The following HEXIM1 variants were observed in gnomAD, a reference collection of about 807,000 sequenced individuals.
HEXIM1 encodes the protein protein HEXIM1.
A neutral mutation model predicts 30.3 loss-of-function variants in HEXIM1; 1 was observed. That is an observed-to-expected ratio of 0.03 (90% CI 0.01 to 0.16). The LOEUF is 0.16. HEXIM1 is among the 10% of genes least tolerant of loss of function. HEXIM1 has a pLI of 1.00. For missense variants in HEXIM1, 391 were observed against 476.4 expected (o/e 0.82, Z 1.67); for synonymous variants, 245 against 208.3 (o/e 1.18, Z -1.52).
Position 45,149,714 on chromosome 17 carries a change from A to G in HEXIM1, c.524A>G (p.Lys175Arg). The change falls in exon 1 of 1, where the codon AAG becomes AGG. Residue 175 changes from lysine to arginine, a missense_variant. Transcript: ENST00000332499. The surrounding 1 kb of genome is among the most constrained non-coding windows in gnomAD (Gnocchi z 5.3). ...KPYYKLTWEEKKKFDEKQSLR... is the reference protein window; with the variant it reads ...KPYYKLTWEERKKFDEKQSLR... ...TACTACAAGCTGACCTGGGAAGAGA[A>G]GAAAAAGTTCGACGAGAAACAGAGC... is the stretch of plus-strand genomic sequence containing the variant. 4 of 1,613,280 alleles carry G rather than the reference A, an allele frequency of 2.5e-6. No individual in the cohort carries two copies. The highest frequency in any genetic ancestry group is 3.4e-6 in the Non-Finnish European group (4 of 1,180,008).
rs8070447 is a variant in HEXIM1, at chr17:45,151,932, A to C, written c.*1662A>C. ...TAAAATGCACCTTGTATTGCATAAGAAGCATACACAAATCAATAAATCAAG... is the reference window on the plus strand; with the variant it reads ...TAAAATGCACCTTGTATTGCATAAGCAGCATACACAAATCAATAAATCAAG... On this transcript the variant is annotated 3_prime_UTR_variant, in exon 1 of 1. Coordinates refer to ENST00000332499, the MANE Select transcript of HEXIM1 (RefSeq NM_006460.3). The C allele has an allele frequency of 0.16, 26,756 of 167,058 alleles. 2,438 individuals are homozygous for C. Among genetic ancestry groups the C allele is most frequent in the East Asian group, 0.34 (1,774 of 5,182 alleles). The allele number at this position is 167,058 out of a possible 1,614,324, so 10.3% of individuals were successfully genotyped here. A position where few individuals can be genotyped will look rare whatever the true frequency, so the allele number is the denominator to read the frequency against.
rs2055526530 is a variant in HEXIM1, at chr17:45,149,124, A to G, written c.-67A>G. ...TTTTTTCTTTTTCTTTTTTTTAAGA[A>G]AAACCCATTTTTTTCCTTAAGGACT... is the stretch of plus-strand genomic sequence containing the variant. On this transcript the variant is annotated 5_prime_UTR_variant, in exon 1 of 1. Transcript: ENST00000332499. This position sits in a 1 kb window ranked among gnomAD's most constrained non-coding sequence, Gnocchi z 5.3. The G allele has an allele frequency of 6.8e-7, 1 of 1,465,162 alleles. No individual in the cohort carries two copies. Among genetic ancestry groups the G allele is most frequent in the African/African-American group, 1.4e-5 (1 of 69,796 alleles). The allele number at this position is 1,465,162 out of a possible 1,614,324, so 90.8% of individuals were successfully genotyped here.
At position 45,149,604 on chromosome 17, in the gene HEXIM1, AGAG is replaced by A; in HGVS notation, c.418_420del (p.Glu140del). The A allele has an allele frequency of 6.2e-7, 1 of 1,612,486 alleles. No homozygotes were observed. The highest frequency in any genetic ancestry group is 1.1e-5 in the South Asian group (1 of 91,032). Reference sequence around the variant, plus strand: ...TGGGGGCTCCTGCCGCAGGGGGCGAAGAGGAGTGGGGACAGCAGCAGAGACAGC... The same window carrying A: ...TGGGGGCTCCTGCCGCAGGGGGCGAAGAGTGGGGACAGCAGCAGAGACAGC... On this transcript the variant is annotated inframe_deletion, in exon 1 of 1. Coordinates refer to ENST00000332499, the MANE Select transcript of HEXIM1 (RefSeq NM_006460.3). The surrounding 1 kb of genome is among the most constrained non-coding windows in gnomAD (Gnocchi z 5.3).
chr17:45,149,965 G>A lies in HEXIM1; in HGVS notation c.775G>A (p.Gly259Ser). The stretch of plus-strand genomic sequence containing the variant: ...GGGCAGCGATGGGATGGGAGGGGAC[G>A]GCAGCGAGTTTCTGCAGCGGGACTT... ...DGGSDGMGGD[G>S]SEFLQRDFSE... Residue 259 changes from glycine (G) to serine (S), a missense_variant, in exon 1 of 1, where the codon GGC becomes AGC. This residue lies in a region of HEXIM1 where 20 missense variants were observed against 68.1 expected (regional missense o/e 0.29). Coordinates refer to ENST00000332499, the MANE Select transcript of HEXIM1 (RefSeq NM_006460.3). This position sits in a 1 kb window ranked among gnomAD's most constrained non-coding sequence, Gnocchi z 5.3. The A allele has an allele frequency of 1.2e-6, 2 of 1,614,044 alleles. No homozygotes were observed. The highest frequency in any genetic ancestry group is 1.7e-6 in the Non-Finnish European group (2 of 1,180,008).
rs2055530226 is a variant in HEXIM1 at position 45,149,560 on chromosome 17, G to A, written c.370G>A (p.Asp124Asn). Reference sequence around the variant, plus strand: ...CGAGCTGCTCGCCCAGCCTTGTCATGACTCCGAGGCCAGTAAGTTGGGGGC... The same window carrying A: ...CGAGCTGCTCGCCCAGCCTTGTCATAACTCCGAGGCCAGTAAGTTGGGGGC... ...EAELLAQPCHDSEASKLGAPA... is the reference protein window; with the variant it reads ...EAELLAQPCHNSEASKLGAPA... Residue 124 changes from aspartate (D) to asparagine (N), a missense_variant, in exon 1 of 1, where the codon GAC becomes AAC. Coordinates refer to ENST00000332499, the MANE Select transcript of HEXIM1 (RefSeq NM_006460.3). The surrounding 1 kb of genome is among the most constrained non-coding windows in gnomAD (Gnocchi z 5.3). The A allele has an allele frequency of 6.2e-7, 1 of 1,607,880 alleles. No individual in the cohort carries two copies. The highest frequency in any genetic ancestry group is 1.3e-5 in the African/African-American group (1 of 74,826).
Position 45,148,797 on chromosome 17 carries a change from C to T in HEXIM1, c.-394C>T. 1 of 402,446 alleles carries T rather than the reference C, an allele frequency of 2.5e-6. No homozygotes were observed. The highest frequency in any genetic ancestry group is 2.1e-5 in the African/African-American group (1 of 48,742). The allele number at this position is 402,446 out of a possible 1,614,324, so 24.9% of individuals were successfully genotyped here. ...TGTGGATCTGGCCCCTCGGAGGCAG[C>T]GTCATCGGTAGTTTTAACCCCTTCG... On this transcript the variant is annotated 5_prime_UTR_variant, in exon 1 of 1. Transcript: ENST00000332499.
Position 45,149,918 on chromosome 17 carries a change from A to G in HEXIM1, c.728A>G (p.Glu243Gly). Residue 243 changes from glutamate (E) to glycine (G), a missense_variant, in exon 1 of 1, where the codon GAA becomes GGA. Physicochemically the swap from Glu to Gly is moderately conservative, Grantham distance 98 (BLOSUM62 -2). Coordinates refer to ENST00000332499, the MANE Select transcript of HEXIM1 (RefSeq NM_006460.3). The surrounding 1 kb of genome is among the most constrained non-coding windows in gnomAD (Gnocchi z 5.3). ...GACACCAGCGATGACGACTTCATGG[A>G]AGAAGGGGGTGAGGAGGATGGGGGC... The part of the protein sequence containing the change: ...SDDTSDDDFM[E>G]EGGEEDGGSD... 6.2e-7 allele frequency: 1 copy of G among 1,613,714 alleles called. No homozygotes were observed. The highest frequency in any genetic ancestry group is 8.5e-7 in the Non-Finnish European group (1 of 1,179,984).
In HEXIM1 at chr17:45,149,658, C is replaced by A; in HGVS notation, c.468C>A (p.Arg156=). ...TGGGGAAGAAAAAACATAGGAGACG[C>A]CCGTCCAAGAAGAAGCGGCATTGGA... ...RQLGKKKHRR[R]PSKKKRHWKP... is the part of the protein sequence containing the mutation. The change falls in exon 1 of 1, where the codon CGC becomes CGA. Residue 156 remains arginine, a synonymous_variant. Transcript: ENST00000332499. The surrounding 1 kb of genome is among the most constrained non-coding windows in gnomAD (Gnocchi z 5.3). The A allele has an allele frequency of 6.2e-7, 1 of 1,612,406 alleles. No individual in the cohort carries two copies. Among genetic ancestry groups the A allele is most frequent in the Non-Finnish European group, 8.5e-7 (1 of 1,179,958 alleles).
At position 45,148,670 on chromosome 17, in the gene HEXIM1, G is replaced by C. The variant is rs1191916471; in HGVS notation, c.-521G>C. On this transcript the variant is annotated 5_prime_UTR_variant, in exon 1 of 1. Transcript: ENST00000332499. Reference sequence around the variant, plus strand: ...TCTGCTGAGGCTACGGCCGGGCCTAGGGAACTGGGAGCTTGGGTGGAAGCG... The same window carrying C: ...TCTGCTGAGGCTACGGCCGGGCCTACGGAACTGGGAGCTTGGGTGGAAGCG... 2.5e-6 allele frequency: 1 copy of C among 400,988 alleles called. No individual in the cohort carries two copies. The highest frequency in any genetic ancestry group is 4.4e-6 in the Non-Finnish European group (1 of 227,562). 24.8% of individuals were successfully genotyped at this position (400,988 alleles called of 1,614,324 possible).
Position 45,148,757 on chromosome 17 carries a change from G to C in HEXIM1, c.-434G>C, listed in dbSNP as rs2055522942. ...TTAACCCCTTGTGGGCTCTGCGGCA[G>C]GGGATTTAACCCTTTGTGGATCTGG... On this transcript the variant is annotated 5_prime_UTR_variant, in exon 1 of 1. Transcript: ENST00000332499. 1 of 401,936 alleles carries C rather than the reference G, an allele frequency of 2.5e-6. No individual in the cohort carries two copies. The highest frequency in any genetic ancestry group is 3.6e-5 in the East Asian group (1 of 28,120). 24.9% of individuals were successfully genotyped at this position (401,936 alleles called of 1,614,324 possible). A position where few individuals can be genotyped will look rare whatever the true frequency, so the allele number is the denominator to read the frequency against.
chr17:45,150,469 A>G lies in HEXIM1; in HGVS notation c.*199A>G, dbSNP rs547733345. The G allele has an allele frequency of 1.6e-5, 9 of 566,968 alleles. No homozygotes were observed. The East Asian group carries it at 2.5e-4, about 15-fold the overall frequency. The allele number at this position is 566,968 out of a possible 1,614,324, so 35.1% of individuals were successfully genotyped here. A position where few individuals can be genotyped will look rare whatever the true frequency, so the allele number is the denominator to read the frequency against. On this transcript the variant is annotated 3_prime_UTR_variant, in exon 1 of 1. Coordinates refer to ENST00000332499, the MANE Select transcript of HEXIM1 (RefSeq NM_006460.3). ...TGTTCTTTTAATTATGTGAAACTGA[A>G]GAGTTGCTTTTCTTGTTTTCCTTTT...
Position 45,149,349 on chromosome 17 carries a change from C to G in HEXIM1, c.159C>G (p.Pro53=). 6.2e-7 allele frequency: 1 copy of G among 1,613,520 alleles called. No individual in the cohort carries two copies. The highest frequency in any genetic ancestry group is 8.5e-7 in the Non-Finnish European group (1 of 1,179,944). ...EDSRWQSRAF[P]QLGGRPGPEG... ...GTAGGTGGCAATCGAGAGCGTTCCC[C>G]CAGTTGGGTGGCCGTCCGGGGCCGG... Residue 53 remains proline, a synonymous_variant, in exon 1 of 1, where the codon CCC becomes CCG. Coordinates refer to ENST00000332499, the MANE Select transcript of HEXIM1 (RefSeq NM_006460.3). The surrounding 1 kb of genome is among the most constrained non-coding windows in gnomAD (Gnocchi z 5.3).
Position 45,149,952 on chromosome 17 carries a change from G to T in HEXIM1, c.762G>T (p.Gly254=). Reference sequence around the variant, plus strand: ...GTGAGGAGGATGGGGGCAGCGATGGGATGGGAGGGGACGGCAGCGAGTTTC... The same window carrying T: ...GTGAGGAGGATGGGGGCAGCGATGGTATGGGAGGGGACGGCAGCGAGTTTC... ...EGGEEDGGSD[G]MGGDGSEFLQ... is the part of the protein sequence containing the mutation. Residue 254 remains glycine, a synonymous_variant, in exon 1 of 1, where the codon GGG becomes GGT. Transcript: ENST00000332499. The surrounding 1 kb of genome is among the most constrained non-coding windows in gnomAD (Gnocchi z 5.3). The T allele has an allele frequency of 6.2e-7, 1 of 1,613,988 alleles. No individual in the cohort carries two copies. Among genetic ancestry groups the T allele is most frequent in the Non-Finnish European group, 8.5e-7 (1 of 1,180,020 alleles).
chr17:45,150,117 G>A lies in HEXIM1; in HGVS notation c.927G>A (p.Arg309=), dbSNP rs757753871. ...TGGAGGACGAGAACAACCGGCTGCG[G>A]CTGGAGAGCAAGCGGCTGGGTGGCG... ...SRMEDENNRL[R]LESKRLGGDD... is the part of the protein sequence containing the mutation. Residue 309 remains arginine, a synonymous_variant, in exon 1 of 1, where the codon CGG becomes CGA. Transcript: ENST00000332499. 5.0e-6 allele frequency: 8 copies of A among 1,613,806 alleles called. No homozygotes were observed. Among genetic ancestry groups the A allele is most frequent in the Non-Finnish European group, 5.9e-6 (7 of 1,180,038 alleles).
In HEXIM1 at chr17:45,149,152, C is replaced by G. The variant is rs1299351333; in HGVS notation, c.-39C>G. 8 of 1,495,576 alleles carry G rather than the reference C, an allele frequency of 5.3e-6. No individual in the cohort carries two copies. Among genetic ancestry groups the G allele is most frequent in the African/African-American group, 1.5e-5 (1 of 68,734 alleles). The allele number at this position is 1,495,576 out of a possible 1,614,324, so 92.6% of individuals were successfully genotyped here. ...ACCCATTTTTTTCCTTAAGGACTTA[C>G]TAGCCAAAATTTCTTAAACTTCGAG... On this transcript the variant is annotated 5_prime_UTR_variant, in exon 1 of 1. Transcript: ENST00000332499. The surrounding 1 kb of genome is among the most constrained non-coding windows in gnomAD (Gnocchi z 5.3).
Position 45,149,266 on chromosome 17 carries a change from G to C in HEXIM1, c.76G>C (p.Glu26Gln). ...CTGTACAGGTGCTGCTGCTGTCCAG[G>C]AAGAGCTGAACCCTGAGCGCCCCCC... ...SNCTGAAAVQEELNPERPPGA... is the reference protein window; with the variant it reads ...SNCTGAAAVQQELNPERPPGA... Residue 26 changes from glutamate (E) to glutamine (Q), a missense_variant, in exon 1 of 1, where the codon GAA (glutamate) becomes CAA (glutamine). Glu to Gln is a conservative substitution (Grantham distance 29). Around this residue, in one of 5 missense-constraint regions of HEXIM1, gnomAD observed 230 missense variants for 199.4 expected, o/e 1.15. Transcript: ENST00000332499. This position sits in a 1 kb window ranked among gnomAD's most constrained non-coding sequence, Gnocchi z 5.3. The C allele has an allele frequency of 6.2e-7, 1 of 1,613,898 alleles. No homozygotes were observed. The highest frequency in any genetic ancestry group is 8.5e-7 in the Non-Finnish European group (1 of 1,180,038).
Position 45,150,365 on chromosome 17 carries a change from T to C in HEXIM1, c.*95T>C. On this transcript the variant is annotated 3_prime_UTR_variant, in exon 1 of 1. Transcript: ENST00000332499. ...GTGTATATAAGACAGTGGACCTTTT[T>C]ATGACACATAATCAGAAGAGAAATC... The C allele has an allele frequency of 7.0e-7, 1 of 1,426,570 alleles. No homozygotes were observed. The highest frequency in any genetic ancestry group is 1.4e-5 in the South Asian group (1 of 72,532). 88.4% of individuals were successfully genotyped at this position (1,426,570 alleles called of 1,614,324 possible).
rs745839893 is a variant in HEXIM1 at position 45,149,258 on chromosome 17, C to T, written c.68C>T (p.Ala23Val). 6.2e-7 allele frequency: 1 copy of T among 1,613,962 alleles called. No individual in the cohort carries two copies. Among genetic ancestry groups the T allele is most frequent in the Non-Finnish European group, 8.5e-7 (1 of 1,180,040 alleles). ...PQTSNCTGAAAVQEELNPERP... is the reference protein window; with the variant it reads ...PQTSNCTGAAVVQEELNPERP... ...ACTAGCAACTGTACAGGTGCTGCTG[C>T]TGTCCAGGAAGAGCTGAACCCTGAG... is the stretch of plus-strand genomic sequence containing the variant. The change falls in exon 1 of 1, where the codon GCT (alanine) becomes GTT (valine). Residue 23 changes from alanine to valine, a missense_variant. Physicochemically the swap from Ala to Val is moderately conservative, Grantham distance 64. Coordinates refer to ENST00000332499, the MANE Select transcript of HEXIM1 (RefSeq NM_006460.3). The surrounding 1 kb of genome is among the most constrained non-coding windows in gnomAD (Gnocchi z 5.3).
chr17:45,149,094 GTTT>G lies in HEXIM1; in HGVS notation c.-89_-87del. On this transcript the variant is annotated 5_prime_UTR_variant, in exon 1 of 1. Coordinates refer to ENST00000332499, the MANE Select transcript of HEXIM1 (RefSeq NM_006460.3). This position sits in a 1 kb window ranked among gnomAD's most constrained non-coding sequence, Gnocchi z 5.3. ...AAACTGAAGAGGACTCTGTTGGACT[GTTT>G]TTTTTTTCTTTTTCTTTTTTTTAAG... is the stretch of plus-strand genomic sequence containing the variant. The G allele has an allele frequency of 1.0e-6, 1 of 995,666 alleles. No homozygotes were observed. The highest frequency in any genetic ancestry group is 1.9e-5 in the South Asian group (1 of 53,064). 61.7% of individuals were successfully genotyped at this position (995,666 alleles called of 1,614,324 possible).
Sources: allele counts gnomAD v4.1 joint callset, GRCh38; gene constraint gnomAD v4.1.1; regional missense constraint gnomAD v4.1.1; non-coding constraint Gnocchi (gnomAD v3.1); transcripts MANE v1.5; gene names NCBI Gene and HGNC (gene_info 2026-07-23, HGNC 2026-07-21).